Variants in SH3RF3 observed in about 807,000 individuals in gnomAD.
SH3RF3 encodes the protein E3 ubiquitin-protein ligase SH3RF3.
SH3RF3 carries 29 observed loss-of-function variants against 66.3 expected under a neutral mutation model. The ratio of observed to expected loss-of-function variants is 0.44; its 90% CI spans 0.33 to 0.60. SH3RF3 has a LOEUF of 0.60. Among genes scored for constraint, SH3RF3 ranks in the 20% least tolerant of loss-of-function variants. The probability of loss-of-function intolerance (pLI) is 0.04; values close to 1 mark genes in which losing one functional copy is unlikely to be tolerated. For missense variants in SH3RF3, 1,194 were observed against 1,190.9 expected (o/e 1.00, Z -0.04); for synonymous variants, 583 against 532.0 (o/e 1.10, Z -1.32).
intron 1 of SH3RF3, among the ~76,000 whole-genome samples, chr2:109,311,882 T>C (rs1352250518): frequency 6.6e-6 from 1 of 152,148 alleles, no homozygotes. Flanking sequence ...TGTTTTCTCG[T>C]TTTCTTACAT....
At chr2:109,387,179 G>C (rs1352301758) in intron 3 of SH3RF3, among the ~76,000 whole-genome samples, 1 of 152,152 alleles carries the variant, frequency 6.6e-6, no homozygotes, top group Non-Finnish European at 1.5e-5. Flanking sequence ...ACAAATTTGA[G>C]ATTGCGCTGT....
chr2:109,434,229 G>A (rs1400896261), intron 6 of SH3RF3, among the ~76,000 whole-genome samples: 1 of 152,194 alleles, frequency 6.6e-6, no homozygotes, highest in Non-Finnish European at 1.5e-5. Context: ...CACACCTCTG[G>A]GCTCGCCCGC....
chr2:109,433,618 C>T (rs1165915425), intron 6 of SH3RF3, among the ~76,000 whole-genome samples: 1 of 152,338 alleles, frequency 6.6e-6, no homozygotes, highest in East Asian at 1.9e-4. Flanking sequence ...GTAGACCCTG[C>T]ATTGATTGCT....
chr2:109,497,981 A>T (rs1333652155), intron 9 of SH3RF3, among the ~76,000 whole-genome samples: 3 of 152,128 alleles, frequency 2.0e-5, no homozygotes, highest in African/African-American at 7.2e-5. Flanking sequence ...CACAGGTAGG[A>T]TGGCGCTGAT....
chr2:109,174,798 A>T (rs1677879532), intron 1 of SH3RF3, among the ~76,000 whole-genome samples: 1 of 152,210 alleles, frequency 6.6e-6, no homozygotes, highest in African/African-American at 2.4e-5. Flanking sequence ...TGGCAGACCC[A>T]TGAGGGCAGG....
At chr2:109,157,903 G>A (rs574354092) in intron 1 of SH3RF3, among the ~76,000 whole-genome samples, 4 of 152,124 alleles carry the variant, frequency 2.6e-5, no homozygotes, top group Non-Finnish European at 4.4e-5. Context: ...TTTCTCTGTG[G>A]CAGCTGCTCG....
chr2:109,429,802 G>A (rs1260823999), intron 5 of SH3RF3, among the ~76,000 whole-genome samples: 1 of 152,218 alleles, frequency 6.6e-6, no homozygotes, highest in Admixed American at 6.5e-5. Flanking sequence ...GAGGAAGCAC[G>A]TTGCACAGGG....
intron 1 of SH3RF3, among the ~76,000 whole-genome samples, chr2:109,209,156 T>C (rs1317801102): frequency 1.3e-5 from 2 of 152,238 alleles, no homozygotes; most frequent in African/African-American, 4.8e-5. Context: ...CCCTCTGTGC[T>C]GTGGTCTGCC....
intron 1 of SH3RF3, among the ~76,000 whole-genome samples, chr2:109,191,841 C>CCTT (rs1678374916): frequency 2.0e-5 from 3 of 152,200 alleles, no homozygotes; most frequent in African/African-American, 7.2e-5. Flanking sequence ...GTTATAAAAA[C>CCTT]AATAACCCTT....
chr2:109,215,846 A>C (rs1247624191), intron 1 of SH3RF3, among the ~76,000 whole-genome samples: 6 of 152,096 alleles, frequency 3.9e-5, no homozygotes, highest in African/African-American at 1.4e-4. Flanking sequence ...CTTTCTTCTG[A>C]CATGGAAGCA....
intron 1 of SH3RF3, among the ~76,000 whole-genome samples, chr2:109,137,467 A>G (rs1490270463): frequency 6.6e-6 from 1 of 152,230 alleles, no homozygotes; most frequent in Non-Finnish European, 1.5e-5. Context: ...CTCAGGAGAT[A>G]AGAGAACTTG....
chr2:109,247,227 G>A (rs902292964), intron 1 of SH3RF3, among the ~76,000 whole-genome samples: 1 of 152,162 alleles, frequency 6.6e-6, no homozygotes, highest in African/African-American at 2.4e-5. Context: ...CCACACAGAT[G>A]CCCACAGATT....
chr2:109,419,665 C>A, intron 5 of SH3RF3, 23 bp downstream of exon 5: 1 of 1,552,032 alleles, frequency 6.4e-7, no homozygotes, highest in South Asian at 1.2e-5. Context: ...TTGTGTCTGT[C>A]GGGGTCCTGT....
At chr2:109,214,123 G>A (rs529755430) in intron 1 of SH3RF3, among the ~76,000 whole-genome samples, 9 of 152,286 alleles carry the variant, frequency 5.9e-5, no homozygotes, top group Non-Finnish European at 1.2e-4. Context: ...TGGGTGTGCC[G>A]GGTGCCCCCA....
At chr2:109,186,564 C>G (rs1320981820) in intron 1 of SH3RF3, among the ~76,000 whole-genome samples, 1 of 152,170 alleles carries the variant, frequency 6.6e-6, no homozygotes, top group Non-Finnish European at 1.5e-5. Context: ...TTCCAGCAAC[C>G]AGTAAAGCAA....
chr2:109,356,876 GCT>G (rs1682954119), intron 2 of SH3RF3, among the ~76,000 whole-genome samples: 1 of 152,016 alleles, frequency 6.6e-6, no homozygotes, highest in Admixed American at 6.5e-5. Flanking sequence ...CCCCCACAGC[GCT>G]CTCACTTCCC....
rs182453230 is a variant in SH3RF3 at position 109,439,624 on chromosome 2, C to T, written c.1828+2478C>T. On this transcript the variant is annotated intron_variant, in intron 7 of 9. Coordinates refer to ENST00000309415, the MANE Select transcript of SH3RF3 (RefSeq NM_001099289.3). ...GATTTGTTCTACTTGATTAATGTAA[C>T]TCCTTTCCCAAAGGCAGAGCACCCC... 9.9e-5 allele frequency among the ~76,000 whole-genome samples: 15 copies of T among 152,258 alleles called. No individual in the cohort carries two copies. The East Asian group carries it at 2.7e-3, about 27-fold the overall frequency.
In SH3RF3 at chr2:109,436,230, A is replaced by G. The variant is rs116645381; in HGVS notation, c.1575-663A>G. Reference sequence around the variant, plus strand: ...AATCCACAGAAGCTTCCAAACCCCTAACTCTGCCATATTTCACATCGCTGC... The same window carrying G: ...AATCCACAGAAGCTTCCAAACCCCTGACTCTGCCATATTTCACATCGCTGC... On this transcript the variant is annotated intron_variant, in intron 6 of 9. Coordinates refer to ENST00000309415, the MANE Select transcript of SH3RF3 (RefSeq NM_001099289.3). Among the ~76,000 whole-genome samples the G allele has an allele frequency of 3.2e-3, 491 of 152,312 alleles. 4 individuals carry two copies. The highest frequency in any genetic ancestry group is 0.011 in the African/African-American group (470 of 41,578).
chr2:109,490,637 A>G lies in SH3RF3; in HGVS notation c.2181A>G (p.Leu727=). The change falls in exon 9 of 10, where the codon CTA becomes CTG. Residue 727 remains leucine (L), a synonymous_variant. Coordinates refer to ENST00000309415, the MANE Select transcript of SH3RF3 (RefSeq NM_001099289.3). ...AGAAGAGTGGGCTCCTGAAGCTTCTAGCCGGAGCATCCACCAAGAAGAAGT... is the reference window on the plus strand; with the variant it reads ...AGAAGAGTGGGCTCCTGAAGCTTCTGGCCGGAGCATCCACCAAGAAGAAGT... The part of the protein sequence containing the change: ...KEKKSGLLKL[L]AGASTKKKSR... 1.3e-6 allele frequency: 2 copies of G among 1,489,362 alleles called. No individual in the cohort carries two copies. Among genetic ancestry groups the G allele is most frequent in the South Asian group, 1.3e-5 (1 of 79,208 alleles). 92.3% of individuals were successfully genotyped at this position (1,489,362 alleles called of 1,614,324 possible).
Sources: allele counts gnomAD v4.1 joint callset (sites outside exome capture counted in the v4.1 genomes callset), GRCh38; gene constraint gnomAD v4.1.1; transcripts MANE v1.5; gene names NCBI Gene and HGNC (gene_info 2026-07-23, HGNC 2026-07-21).